SAMD5: variants seen among roughly 807,000 people sequenced by gnomAD.
SAMD5 encodes the protein sterile alpha motif domain-containing protein 5.
Under a neutral mutation model 11.3 loss-of-function variants are expected in SAMD5, and 13 were observed. The ratio of observed to expected loss-of-function variants is 1.15; its 90% CI spans 0.75 to 1.83. The LOEUF (loss-of-function observed/expected upper bound fraction) is 1.83. Ranked by LOEUF, SAMD5 falls within the 40% of genes most tolerant of loss-of-function variation. SAMD5 has a pLI of 0.00. For synonymous variants in SAMD5, 129 were observed against 111.3 expected (o/e 1.16, Z -1.00); for missense variants, 255 against 239.1 (o/e 1.07, Z -0.44).
the SAMD5 span, among the ~76,000 whole-genome samples, chr6:147,848,012 C>A: frequency 1.3e-5 from 2 of 152,116 alleles, no homozygotes; most frequent in African/African-American, 4.8e-5. Context: ...CTTTAGTATC[C>A]ATTGTTCCCT....
the SAMD5 span, among the ~76,000 whole-genome samples, chr6:147,950,275 G>A: frequency 8.1e-4 from 124 of 152,234 alleles, no homozygotes; most frequent in African/African-American, 2.9e-3. Context: ...ACCATCTTCT[G>A]TCATCCTGAA....
At chr6:147,719,659 C>T (rs146466822) in intron 1 of SAMD5, among the ~76,000 whole-genome samples, 11 of 152,108 alleles carry the variant, frequency 7.2e-5, no homozygotes, top group Non-Finnish European at 1.6e-4. Context: ...CACTATGGTA[C>T]GTCTCATTAG....
the SAMD5 span, among the ~76,000 whole-genome samples, chr6:147,801,295 A>G: frequency 1.3e-5 from 2 of 152,062 alleles, no homozygotes; most frequent in African/African-American, 2.4e-5. Context: ...TTTAACAGCT[A>G]TATTTTTTTT....
At chr6:147,588,997 G>A (rs367711541) in intron 1 of SAMD5, among the ~76,000 whole-genome samples, 31 of 151,840 alleles carry the variant, frequency 2.0e-4, no homozygotes, top group East Asian at 7.8e-4. Flanking sequence ...TCGCTCTGTC[G>A]CCGAGGCTGG....
At chr6:147,770,737 T>C in the SAMD5 span, among the ~76,000 whole-genome samples, 2 of 152,254 alleles carry the variant, frequency 1.3e-5, no homozygotes, top group Non-Finnish European at 2.9e-5. Context: ...TTATAGGCAT[T>C]TGAATATTTT....
At chr6:147,627,781 C>T (rs561331162) in intron 1 of SAMD5, among the ~76,000 whole-genome samples, 25 of 151,958 alleles carry the variant, frequency 1.6e-4, no homozygotes, top group Non-Finnish European at 3.2e-4. Flanking sequence ...CATTGCTCGC[C>T]GTATACCTGG....
chr6:147,582,817 G>A (rs1177761740), intron 1 of SAMD5, among the ~76,000 whole-genome samples: 9 of 152,218 alleles, frequency 5.9e-5, no homozygotes, highest in Admixed American at 5.9e-4. Context: ...AGTGAGGCTT[G>A]GGGTTGGGTC....
At chr6:147,597,690 AG>A (rs772848913) in intron 1 of SAMD5, among the ~76,000 whole-genome samples, 136 of 152,358 alleles carry the variant, frequency 8.9e-4, no homozygotes, top group Non-Finnish European at 1.8e-3. Flanking sequence ...GATCTCTTCA[AG>A]AGCCATTGTT....
At chr6:147,707,302 C>T (rs1791337222) in intron 1 of SAMD5, among the ~76,000 whole-genome samples, 1 of 152,128 alleles carries the variant, frequency 6.6e-6, no homozygotes, top group Admixed American at 6.5e-5. Context: ...TTTTTTATGA[C>T]TTAAGTAATT....
chr6:147,564,209 A>G (rs1451810074), intron 1 of SAMD5, among the ~76,000 whole-genome samples, 185 bp from the exon 2 acceptor site: 1 of 152,144 alleles, frequency 6.6e-6, no homozygotes, highest in Non-Finnish European at 1.5e-5. Flanking sequence ...ATTCTTTTTT[A>G]ATTAGCTTGA....
chr6:147,545,368 T>G (rs1404240369), intron 1 of SAMD5, among the ~76,000 whole-genome samples: 1 of 152,202 alleles, frequency 6.6e-6, no homozygotes, highest in African/African-American at 2.4e-5. Flanking sequence ...ATGAGTTGAT[T>G]GAGTTAGAGA....
intron 1 of SAMD5, among the ~76,000 whole-genome samples, chr6:147,596,800 G>A (rs969646669): frequency 6.6e-6 from 1 of 152,146 alleles, no homozygotes; most frequent in Non-Finnish European, 1.5e-5. Context: ...GGTTAGATGG[G>A]TGTTGTGGAA....
the SAMD5 span, among the ~76,000 whole-genome samples, chr6:147,885,308 T>G: frequency 6.6e-6 from 1 of 152,216 alleles, no homozygotes; most frequent in South Asian, 2.1e-4. Flanking sequence ...CCACAACAAT[T>G]TTTTTTAAGT....
chr6:147,580,816 A>ATT (rs34302163), intron 1 of SAMD5, among the ~76,000 whole-genome samples: 2,534 of 149,330 alleles, frequency 0.017, 64 homozygotes, highest in African/African-American at 0.056. Context: ...CTAAACTATG[A>ATT]TTTTTTTTTT....
chr6:147,884,174 G>A, the SAMD5 span, among the ~76,000 whole-genome samples: 1 of 152,302 alleles, frequency 6.6e-6, no homozygotes, highest in Non-Finnish European at 1.5e-5. Context: ...CTCTGGAAGA[G>A]TACAGACGTC....
chr6:147,552,398 T>C (rs905346043), intron 1 of SAMD5, among the ~76,000 whole-genome samples: 2 of 152,232 alleles, frequency 1.3e-5, no homozygotes, highest in Non-Finnish European at 2.9e-5. Context: ...ATTTTTATTT[T>C]AATGTAATTG....
intron 1 of SAMD5, among the ~76,000 whole-genome samples, chr6:147,551,812 T>TTATATATA (rs10691979): frequency 0.2 from 19,523 of 97,890 alleles, 1,581 homozygotes; most frequent in Admixed American, 0.25. Flanking sequence ...TATATATATG[T>TTATATATA]TATATATATA....
chr6:147,730,734 C>T (rs1399557676), intron 1 of SAMD5, among the ~76,000 whole-genome samples: 1 of 151,850 alleles, frequency 6.6e-6, no homozygotes, highest in Non-Finnish European at 1.5e-5. Flanking sequence ...TGGGAGAGAA[C>T]CAAAAAGAGG....
chr6:147,646,376 A>G (rs188169127), intron 1 of SAMD5, among the ~76,000 whole-genome samples: 1 of 152,280 alleles, frequency 6.6e-6, no homozygotes, highest in African/African-American at 2.4e-5. Context: ...TGCTTCATGG[A>G]TTCTTAAATA....
Sources: allele counts gnomAD v4.1 joint callset (sites outside exome capture counted in the v4.1 genomes callset), GRCh38; gene constraint gnomAD v4.1.1; transcripts MANE v1.5; gene names NCBI Gene and HGNC (gene_info 2026-07-23, HGNC 2026-07-21).